ROBO2: variants seen among roughly 807,000 people sequenced by gnomAD.
ROBO2 encodes roundabout homolog 2.
In ROBO2, 53 loss-of-function variants were observed where a neutral mutation model predicts 160.8. The ratio of observed to expected loss-of-function variants is 0.33; its 90% confidence interval spans 0.26 to 0.41. The LOEUF is 0.41. ROBO2 is among the 10% of genes least tolerant of loss of function. The pLI, the probability that ROBO2 is intolerant of heterozygous loss-of-function variation, is 1.00. For missense variants in ROBO2, 1,577 were observed against 1,722.4 expected, an observed-to-expected ratio of 0.92 and a Z score of 1.49; for synonymous variants, 664 against 611.7, an observed-to-expected ratio of 1.09 and a Z score of -1.26.
intron 2 of ROBO2, among the ~76,000 whole-genome samples, chr3:76,090,436 AAAAC>A (rs2069184639): frequency 7.0e-6 from 1 of 142,870 alleles, no homozygotes; most frequent in Non-Finnish European, 1.5e-5. Context: ...AACAAAAACA[AAAAC>A]AAAAACAAAA....
chr3:76,903,599 C>G (rs2075381934), intron 2 of ROBO2, among the ~76,000 whole-genome samples: 1 of 152,134 alleles, frequency 6.6e-6, no homozygotes, highest in Admixed American at 6.6e-5. Context: ...AGGCTTTTCT[C>G]TCCTTCCTCT....
intron 2 of ROBO2, among the ~76,000 whole-genome samples, chr3:76,601,145 G>A (rs1244709021): frequency 6.6e-6 from 1 of 152,178 alleles, no homozygotes; most frequent in Non-Finnish European, 1.5e-5. Context: ...ATGGTCTTGG[G>A]CAGCTCTGCC....
intron 2 of ROBO2, among the ~76,000 whole-genome samples, chr3:76,657,063 CTT>C (rs1425235420): frequency 6.6e-6 from 1 of 151,830 alleles, no homozygotes; most frequent in East Asian, 1.9e-4. Context: ...TTGGATTCCT[CTT>C]TTTTTTCCCT....
intron 2 of ROBO2, among the ~76,000 whole-genome samples, chr3:76,379,087 A>G (rs1037405142): frequency 6.6e-6 from 1 of 152,316 alleles, no homozygotes; most frequent in Non-Finnish European, 1.5e-5. Flanking sequence ...AATAGGAAGC[A>G]CTGACCATGG....
At chr3:76,265,435 A>G (rs956198400) in intron 2 of ROBO2, among the ~76,000 whole-genome samples, 3 of 152,146 alleles carry the variant, frequency 2.0e-5, no homozygotes, top group African/African-American at 7.2e-5. Context: ...GACATTTATT[A>G]ATTTAAACAA....
At chr3:77,382,481 C>G (rs565359881) in intron 2 of ROBO2, among the ~76,000 whole-genome samples, 1 of 151,200 alleles carries the variant, frequency 6.6e-6, no homozygotes, top group Non-Finnish European at 1.5e-5. Context: ...AATTGTGTAG[C>G]GGCGAATCCT....
chr3:76,726,721 C>T (rs1028371548), intron 2 of ROBO2, among the ~76,000 whole-genome samples: 2 of 152,042 alleles, frequency 1.3e-5, no homozygotes, highest in African/African-American at 2.4e-5. Flanking sequence ...GATGTTATTG[C>T]GACTTGTATT....
intron 2 of ROBO2, among the ~76,000 whole-genome samples, chr3:76,359,944 G>T (rs1019211297): frequency 6.6e-6 from 1 of 151,952 alleles, no homozygotes; most frequent in African/African-American, 2.4e-5. Flanking sequence ...AAACCCAGCT[G>T]CCAGTTTCAA....
chr3:76,912,151 AAATT>A (rs2076032063), intron 2 of ROBO2, among the ~76,000 whole-genome samples: 1 of 152,172 alleles, frequency 6.6e-6, no homozygotes, highest in South Asian at 2.1e-4. Context: ...GATCCCGAGC[AAATT>A]AATTCTCTGT....
exon 1 of ROBO2, chr3:77,040,027 T>G (rs1347568636): frequency 2.3e-6 from 2 of 871,452 alleles, no homozygotes; most frequent in African/African-American, 3.7e-5. Flanking sequence ...CGGGGGTGTC[T>G]GCAGCCTCGG....
chr3:76,946,335 C>T (rs1425281356), intron 2 of ROBO2, among the ~76,000 whole-genome samples: 1 of 152,148 alleles, frequency 6.6e-6, no homozygotes, highest in African/African-American at 2.4e-5. Flanking sequence ...TTTTCTCACA[C>T]ACGTACTGAT....
chr3:77,196,273 A>G (rs58333009), intron 2 of ROBO2, among the ~76,000 whole-genome samples: 1,707 of 151,948 alleles, frequency 0.011, 17 homozygotes, highest in Non-Finnish European at 0.014. Context: ...GGATTAGTCC[A>G]ATACTACGGT....
chr3:76,836,477 G>C (rs942210684), intron 2 of ROBO2, among the ~76,000 whole-genome samples: 21 of 150,196 alleles, frequency 1.4e-4, no homozygotes, highest in African/African-American at 2.2e-4. Flanking sequence ...AAGACTTTGG[G>C]GGGGCAGGAA....
rs570153631 is a variant in ROBO2 at position 77,172,298 on chromosome 3, A to C, written c.388+73958A>C. 2.0e-5 allele frequency among the ~76,000 whole-genome samples: 3 copies of C among 152,310 alleles called. No individual in the cohort carries two copies. The South Asian group carries it at 6.2e-4, about 32-fold the overall frequency. On this transcript the variant is annotated intron_variant, in intron 2 of 25. Transcript: ENST00000461745. ...ATAATTGGTCACTGTAGAGATGAAA[A>C]TAATTGGCTACCTAATGTTGGTTAT...
intron 16 of ROBO2, among the ~76,000 whole-genome samples, chr3:77,582,542 T>C (rs1044603198): frequency 1.3e-5 from 2 of 152,138 alleles, no homozygotes; most frequent in African/African-American, 4.8e-5. Flanking sequence ...TCCTGCTTTC[T>C]TTTGATAAAA....
At chr3:75,971,358 TTGAG>T (rs1330698820) in intron 2 of ROBO2, among the ~76,000 whole-genome samples, 1 of 151,492 alleles carries the variant, frequency 6.6e-6, no homozygotes, top group African/African-American at 2.4e-5. Flanking sequence ...TAAGTAATAT[TTGAG>T]TGATGAAGGC....
intron 2 of ROBO2, among the ~76,000 whole-genome samples, chr3:76,133,620 A>G (rs1360375504): frequency 6.6e-6 from 1 of 152,128 alleles, no homozygotes; most frequent in African/African-American, 2.4e-5. Flanking sequence ...GTGTGGCCGA[A>G]GACCCGACAG....
intron 2 of ROBO2, among the ~76,000 whole-genome samples, chr3:76,429,709 G>A (rs763162193): frequency 1.1e-4 from 17 of 152,112 alleles, no homozygotes; most frequent in Non-Finnish European, 2.4e-4. Context: ...AGAGGCACAA[G>A]GTTTACAGAA....
At chr3:75,966,231 G>C (rs1949107812) in intron 2 of ROBO2, among the ~76,000 whole-genome samples, 1 of 150,712 alleles carries the variant, frequency 6.6e-6, no homozygotes, top group Non-Finnish European at 1.5e-5. Context: ...ATGTCAGCAA[G>C]GTGAAATAAC....
Sources: allele counts gnomAD v4.1 joint callset (sites outside exome capture counted in the v4.1 genomes callset), GRCh38; gene constraint gnomAD v4.1.1; transcripts MANE v1.5; gene names NCBI Gene and HGNC (gene_info 2026-07-23, HGNC 2026-07-21).